Variants in UVRAG observed in about 807,000 individuals in gnomAD.
UVRAG encodes UV radiation resistance-associated gene protein.
A neutral mutation model predicts 78.0 loss-of-function variants in UVRAG; 19 were observed. The observed-to-expected ratio is 0.24, with a 90% CI of 0.17 to 0.36. The LOEUF is 0.36. Among genes scored for constraint, UVRAG ranks in the 10% least tolerant of loss-of-function variants. The pLI, the probability that UVRAG is intolerant of heterozygous loss-of-function variation, is 1.00. For synonymous variants in UVRAG, 323 were observed against 324.6 expected, an observed-to-expected ratio of 1.00 and a Z score of 0.05; for missense variants, 740 against 853.8, an observed-to-expected ratio of 0.87 and a Z score of 1.66.
chr11:76,130,531 C>T (rs979640085), intron 14 of UVRAG, among the ~76,000 whole-genome samples: 21 of 152,286 alleles, frequency 1.4e-4, no homozygotes, highest in African/African-American at 4.8e-4. Flanking sequence ...TCTCTAGAGT[C>T]CCAGTCTCTT....
At chr11:75,871,824 G>A (rs575327109) in intron 3 of UVRAG, among the ~76,000 whole-genome samples, 30 of 152,272 alleles carry the variant, frequency 2.0e-4, no homozygotes, top group African/African-American at 7.2e-4. Context: ...GAGATTTTTA[G>A]TTGCTCTATC....
chr11:76,004,736 C>T (rs1591121755), intron 9 of UVRAG, among the ~76,000 whole-genome samples: 1 of 152,126 alleles, frequency 6.6e-6, no homozygotes, highest in East Asian at 1.9e-4. Context: ...AGTGATGCTC[C>T]ACCTCAACCT....
chr11:76,001,344 A>G (rs2135326183), intron 8 of UVRAG, among the ~76,000 whole-genome samples: 1 of 152,352 alleles, frequency 6.6e-6, no homozygotes, highest in Middle Eastern at 3.4e-3. Context: ...TCATGCCAAT[A>G]TTAGAAAAGA....
intron 8 of UVRAG, among the ~76,000 whole-genome samples, chr11:75,994,450 C>A (rs2135307756): frequency 1.3e-5 from 2 of 152,276 alleles, no homozygotes; most frequent in Admixed American, 1.3e-4. Flanking sequence ...GCACAGATTT[C>A]AACTCTAAAT....
intron 14 of UVRAG, among the ~76,000 whole-genome samples, chr11:76,136,012 A>G (rs549298976): frequency 6.6e-6 from 1 of 152,364 alleles, no homozygotes; most frequent in South Asian, 2.1e-4. Context: ...AATTGGTCAT[A>G]TAATTAGTAA....
chr11:76,141,393 C>A lies in UVRAG; in HGVS notation c.2080C>A (p.Arg694Ser). The A allele has an allele frequency of 6.2e-7, 1 of 1,613,224 alleles. No individual in the cohort carries two copies. Among genetic ancestry groups the A allele is most frequent in the Non-Finnish European group, 8.5e-7 (1 of 1,179,912 alleles). ...AAACGTATCCAGCTTCCGCCGGCCG[C>A]GCAGGAGTTCCGATAAGTGAAGTGA... The part of the protein sequence containing the change: ...NENVSSFRRP[R>S]RSSDK The change falls in exon 15 of 15, where the codon CGC (arginine) becomes AGC (serine). Residue 694 changes from arginine to serine, a missense_variant. Arg to Ser is a moderately radical substitution (Grantham distance 110). Coordinates refer to ENST00000356136, the MANE Select transcript of UVRAG (RefSeq NM_003369.4).
At chr11:75,911,886 C>T (rs989793582) in intron 5 of UVRAG, 68 bp from the exon 6 acceptor site, 2 of 1,055,204 alleles carry the variant, frequency 1.9e-6, no homozygotes, top group South Asian at 1.4e-5. Flanking sequence ...AAAAGACAAG[C>T]ATGATTAATT....
At chr11:75,912,083 T>A (rs1316115499) in intron 6 of UVRAG, 44 bp downstream of exon 6, 1 of 1,379,420 alleles carries the variant, frequency 7.2e-7, no homozygotes, top group South Asian at 1.2e-5. Flanking sequence ...AGAATCTTTC[T>A]CATTTTGAGT....
chr11:75,908,533 A>G (rs1000736878), intron 5 of UVRAG, among the ~76,000 whole-genome samples: 4 of 152,100 alleles, frequency 2.6e-5, no homozygotes, highest in Admixed American at 6.6e-5. Flanking sequence ...CTGTATTCAT[A>G]AAGGATATTG....
intron 14 of UVRAG, among the ~76,000 whole-genome samples, chr11:76,125,378 A>T (rs900104550): frequency 6.6e-6 from 1 of 152,224 alleles, no homozygotes; most frequent in African/African-American, 2.4e-5. Context: ...ACAGGAACAC[A>T]CAAGGCATAT....
chr11:75,921,635 T>C lies in UVRAG; in HGVS notation c.593+9596T>C, dbSNP rs147532963. 3.8e-3 allele frequency among the ~76,000 whole-genome samples: 576 copies of C among 152,192 alleles called. 9 individuals carry two copies. The highest frequency in any genetic ancestry group is 0.013 in the African/African-American group (551 of 41,574). On this transcript the variant is annotated intron_variant, in intron 6 of 14. Transcript: ENST00000356136. ...TTCTATAGATATTTTTTGCTAACTT[T>C]GAGATTTATATTATTTTACTTTTTA...
chr11:76,100,260 CT>C (rs895687298), intron 13 of UVRAG, among the ~76,000 whole-genome samples: 35 of 152,114 alleles, frequency 2.3e-4, no homozygotes, highest in Non-Finnish European at 2.9e-5. Flanking sequence ...ACCCTTTCCC[CT>C]GAGCACTTAA....
intron 13 of UVRAG, among the ~76,000 whole-genome samples, chr11:76,087,134 C>T (rs1951602064): frequency 6.6e-6 from 1 of 152,144 alleles, no homozygotes; most frequent in Admixed American, 6.5e-5. Flanking sequence ...TTTATTTTTC[C>T]TCAGTGAGTC....
chr11:75,820,125 T>G (rs995743226), intron 1 of UVRAG, among the ~76,000 whole-genome samples: 21 of 152,072 alleles, frequency 1.4e-4, no homozygotes, highest in African/African-American at 5.1e-4. Flanking sequence ...TACAGGCATG[T>G]GCCACCATAC....
chr11:76,084,158 A>G (rs1235258631), intron 13 of UVRAG, among the ~76,000 whole-genome samples: 1 of 152,230 alleles, frequency 6.6e-6, no homozygotes, highest in Non-Finnish European at 1.5e-5. Flanking sequence ...ATCATCATCA[A>G]GCCCCAGTGG....
At chr11:75,996,523 G>A (rs373697362) in intron 8 of UVRAG, among the ~76,000 whole-genome samples, 4 of 152,182 alleles carry the variant, frequency 2.6e-5, no homozygotes, top group African/African-American at 9.6e-5. Flanking sequence ...GGTACAGGAG[G>A]TGACACACTG....
intron 3 of UVRAG, among the ~76,000 whole-genome samples, chr11:75,866,473 A>G (rs940243337): frequency 6.6e-6 from 1 of 152,132 alleles, no homozygotes; most frequent in Non-Finnish European, 1.5e-5. Context: ...CCTTGAGCCC[A>G]GGAATTTGAG....
At chr11:76,103,886 A>T (rs1424536873) in intron 13 of UVRAG, among the ~76,000 whole-genome samples, 1 of 152,120 alleles carries the variant, frequency 6.6e-6, no homozygotes, top group Non-Finnish European at 1.5e-5. Flanking sequence ...AGCTTAGCTG[A>T]ACAGTAACTA....
At chr11:76,052,806 T>A (rs1406720005) in intron 12 of UVRAG, among the ~76,000 whole-genome samples, 1 of 152,128 alleles carries the variant, frequency 6.6e-6, no homozygotes, top group Admixed American at 6.5e-5. Context: ...GTATACCATT[T>A]CTTTAGGCCA....
Sources: gnomAD v4.1 joint callset for allele counts (sites outside exome capture counted in the v4.1 genomes callset) on GRCh38, gnomAD v4.1.1 for gene constraint, MANE v1.5 for transcripts, NCBI Gene and HGNC (gene_info 2026-07-23, HGNC 2026-07-21) for gene names.